TUSC3: variants seen among roughly 807,000 people sequenced by gnomAD.
The protein encoded by TUSC3 is tumor suppressor candidate 3.
A neutral mutation model predicts 44.8 loss-of-function variants in TUSC3; 45 were observed. The ratio of observed to expected loss-of-function variants is 1.00; its 90% CI spans 0.79 to 1.29. The LOEUF is 1.29. Among genes scored for constraint, TUSC3 ranks in the 50% most tolerant of loss-of-function variants. The pLI, the probability that TUSC3 is intolerant of heterozygous loss-of-function variation, is 0.00. For synonymous variants in TUSC3, 212 were observed against 152.9 expected (o/e 1.39, Z -2.85); for missense variants, 519 against 437.9 (o/e 1.19, Z -1.65).
intron 9 of TUSC3, chr8:15,748,909 A>C: frequency 2.7e-6 from 1 of 375,194 alleles, no homozygotes; most frequent in Non-Finnish European, 5.1e-6. Context: ...GTTAAGTAAT[A>C]AAATAATTTC....
chr8:15,755,681 A>G (rs759702195), intron 9 of TUSC3, among the ~76,000 whole-genome samples: 2 of 152,112 alleles, frequency 1.3e-5, no homozygotes, highest in Non-Finnish European at 2.9e-5. Flanking sequence ...CACCCAAGCA[A>G]CTACTTTGGC....
intron 1 of TUSC3, among the ~76,000 whole-genome samples, chr8:15,573,200 CTCTATA>C (rs1214103016): frequency 0.01 from 1,037 of 99,472 alleles, 5 homozygotes; most frequent in Non-Finnish European, 0.013. Flanking sequence ...CTCTCTCTCT[CTCTATA>C]TATATATATA....
chr8:15,501,676 C>T (rs575362206), intron 2 of TUSC3, among the ~76,000 whole-genome samples: 2 of 152,294 alleles, frequency 1.3e-5, no homozygotes, highest in African/African-American at 4.8e-5. Flanking sequence ...CTACATATTA[C>T]TCTCTTCCTG....
intron 2 of TUSC3, 42 bp downstream of exon 2, chr8:15,623,291 G>T (rs1265553166): frequency 5.3e-6 from 8 of 1,498,164 alleles, no homozygotes; most frequent in South Asian, 4.1e-5. Context: ...TATTATTCTT[G>T]GTTTACATAT....
the TUSC3 span, among the ~76,000 whole-genome samples, chr8:15,824,983 A>C: frequency 1.3e-5 from 2 of 152,232 alleles, no homozygotes; most frequent in Admixed American, 1.3e-4. Context: ...CACTTGAGAC[A>C]AAAGTCAACC....
At chr8:15,716,868 T>C (rs950302218) in intron 6 of TUSC3, among the ~76,000 whole-genome samples, 1 of 152,178 alleles carries the variant, frequency 6.6e-6, no homozygotes, top group East Asian at 1.9e-4. Context: ...CTTCATACCC[T>C]TTTGAGGACT....
At chr8:15,817,659 C>G in the TUSC3 span, among the ~76,000 whole-genome samples, 2 of 152,112 alleles carry the variant, frequency 1.3e-5, no homozygotes, top group African/African-American at 4.8e-5. Flanking sequence ...TGTTTGCTTC[C>G]CCTTCCACCA....
intron 2 of TUSC3, 113 bp downstream of exon 2, chr8:15,623,362 A>G: frequency 1.8e-6 from 2 of 1,091,190 alleles, no homozygotes; most frequent in Non-Finnish European, 2.5e-6. Flanking sequence ...TAATAGTCAA[A>G]TATAACTGTG....
At chr8:15,433,325 A>T (rs1799900596) in intron 1 of TUSC3, among the ~76,000 whole-genome samples, 1 of 152,174 alleles carries the variant, frequency 6.6e-6, no homozygotes, top group Admixed American at 6.5e-5. Flanking sequence ...ATTTGGTGTC[A>T]GTGAGTGTCA....
downstream of TUSC3, among the ~76,000 whole-genome samples, chr8:15,767,204 G>A (rs1027008591): frequency 1.6e-4 from 25 of 151,900 alleles, no homozygotes; most frequent in Non-Finnish European, 1.3e-4. Flanking sequence ...ATGAATTTTC[G>A]ATATTCCTCT....
chr8:15,471,941 A>G (rs1176136914), intron 1 of TUSC3, among the ~76,000 whole-genome samples: 1 of 152,184 alleles, frequency 6.6e-6, no homozygotes, highest in East Asian at 1.9e-4. Context: ...ATTTAACATC[A>G]TAGTTGAATA....
chr8:15,494,515 C>T (rs1332350697), intron 2 of TUSC3, among the ~76,000 whole-genome samples: 1 of 152,088 alleles, frequency 6.6e-6, no homozygotes, highest in Non-Finnish European at 1.5e-5. Context: ...GACGGGGTTT[C>T]ACTGTGTTAG....
intron 6 of TUSC3, chr8:15,689,406 G>C: frequency 4.9e-6 from 1 of 202,646 alleles, no homozygotes; most frequent in Non-Finnish European, 1.0e-5. Context: ...GATGTCGAAG[G>C]CGACCTTGTT....
intron 1 of TUSC3, among the ~76,000 whole-genome samples, chr8:15,561,877 C>G (rs184458363): frequency 2.0e-5 from 3 of 152,230 alleles, no homozygotes; most frequent in Middle Eastern, 3.4e-3. Flanking sequence ...GCACGGTGTG[C>G]GCACCCACTC....
chr8:15,736,403 T>A (rs1317849704), intron 7 of TUSC3, among the ~76,000 whole-genome samples: 1 of 152,214 alleles, frequency 6.6e-6, no homozygotes, highest in Non-Finnish European at 1.5e-5. Flanking sequence ...AGTATGCATA[T>A]GAAATATATA....
the TUSC3 span, among the ~76,000 whole-genome samples, chr8:15,851,583 C>T: frequency 3.9e-5 from 6 of 152,166 alleles, no homozygotes; most frequent in African/African-American, 7.2e-5. Context: ...GACACGTGAG[C>T]GTCATGGCGA....
intron 1 of TUSC3, among the ~76,000 whole-genome samples, chr8:15,577,022 T>A: frequency 1.4e-5 from 2 of 141,224 alleles, no homozygotes; most frequent in Non-Finnish European, 1.6e-5. Context: ...TGTGAGATGG[T>A]ATCTCATTGT....
chr8:15,651,060 G>A, intron 3 of TUSC3: 1 of 446,902 alleles, frequency 2.2e-6, no homozygotes, highest in Non-Finnish European at 4.1e-6. Context: ...AATACAATAA[G>A]TAGTTATAAT....
chr8:15,427,422 G>C (rs1032092360), intron 1 of TUSC3, among the ~76,000 whole-genome samples: 2 of 151,912 alleles, frequency 1.3e-5, no homozygotes, highest in African/African-American at 4.8e-5. Context: ...GGGAAAGGCA[G>C]TCTCCAATAG....
Sources: gnomAD v4.1 joint callset for allele counts (sites outside exome capture counted in the v4.1 genomes callset) on GRCh38, gnomAD v4.1.1 for gene constraint, MANE v1.5 for transcripts, NCBI Gene and HGNC (gene_info 2026-07-23, HGNC 2026-07-21) for gene names.